Variants in CAP2 observed in about 807,000 individuals in gnomAD.
CAP2 encodes the protein adenylyl cyclase-associated protein 2.
In CAP2, 24 loss-of-function variants were observed where a neutral mutation model predicts 57.7. The ratio of observed to expected loss-of-function variants is 0.42; its 90% confidence interval spans 0.30 to 0.58. The LOEUF is 0.58. CAP2 is among the 20% of genes least tolerant of loss of function. CAP2 has a pLI of 0.22. For missense variants in CAP2, 501 were observed against 590.3 expected, an observed-to-expected ratio of 0.85 and a Z score of 1.57; for synonymous variants, 194 against 207.2, an observed-to-expected ratio of 0.94 and a Z score of 0.55.
At chr6:17,460,254 G>A (rs921133615) in intron 3 of CAP2, among the ~76,000 whole-genome samples, 4 of 150,916 alleles carry the variant, frequency 2.7e-5, no homozygotes, top group Non-Finnish European at 5.9e-5. Context: ...ACAGGGAGAC[G>A]TGCTTCAACC....
chr6:17,413,795 T>G (rs1043716781), intron 1 of CAP2, among the ~76,000 whole-genome samples: 4 of 152,244 alleles, frequency 2.6e-5, no homozygotes, highest in Non-Finnish European at 5.9e-5. Flanking sequence ...GGCTCACGTC[T>G]GTAATCCCAG....
At chr6:17,489,540 G>C (rs1303223218) in intron 4 of CAP2, among the ~76,000 whole-genome samples, 1 of 152,132 alleles carries the variant, frequency 6.6e-6, no homozygotes, top group Non-Finnish European at 1.5e-5. Flanking sequence ...AGTCCCACAT[G>C]GTGCCCCAAA....
At chr6:17,441,664 T>C (rs951114360) in intron 3 of CAP2, among the ~76,000 whole-genome samples, 8 of 146,978 alleles carry the variant, frequency 5.4e-5, no homozygotes, top group Non-Finnish European at 1.2e-4. Context: ...TTCATATTTT[T>C]AGTAGAGACA....
chr6:17,395,739 C>T (rs999658163), intron 1 of CAP2, among the ~76,000 whole-genome samples: 1 of 152,004 alleles, frequency 6.6e-6, no homozygotes, highest in African/African-American at 2.4e-5. Flanking sequence ...TATTATGTAA[C>T]ATTTTATATG....
chr6:17,550,066 G>A (rs12210796), intron 11 of CAP2, among the ~76,000 whole-genome samples: 1,841 of 152,178 alleles, frequency 0.012, 19 homozygotes, highest in Non-Finnish European at 0.019. Flanking sequence ...AGTTTAACTC[G>A]TATAGCAGCT....
At chr6:17,492,586 A>G (rs1438676242) in intron 4 of CAP2, among the ~76,000 whole-genome samples, 4 of 152,154 alleles carry the variant, frequency 2.6e-5, no homozygotes, top group Admixed American at 2.0e-4. Context: ...ATCCCTGTCC[A>G]CTTCCTGATT....
chr6:17,409,474 C>G (rs952908172), intron 1 of CAP2, among the ~76,000 whole-genome samples: 1 of 152,090 alleles, frequency 6.6e-6, no homozygotes, highest in African/African-American at 2.4e-5. Flanking sequence ...TGAGCACTCA[C>G]TGGGTACAGA....
chr6:17,538,702 C>G (rs996691449), intron 7 of CAP2, among the ~76,000 whole-genome samples: 1 of 152,266 alleles, frequency 6.6e-6, no homozygotes, highest in East Asian at 1.9e-4. Flanking sequence ...GACAAGCATC[C>G]CGGTCACATA....
intron 3 of CAP2, among the ~76,000 whole-genome samples, chr6:17,430,136 T>C (rs1011407176): frequency 1.3e-5 from 2 of 152,190 alleles, no homozygotes; most frequent in Non-Finnish European, 2.9e-5. Flanking sequence ...TCTCGATGTG[T>C]TGGCTGCTGG....
At chr6:17,404,764 C>T (rs1275660643) in intron 1 of CAP2, among the ~76,000 whole-genome samples, 2 of 146,180 alleles carry the variant, frequency 1.4e-5, no homozygotes, top group African/African-American at 2.6e-5. Context: ...GTGTGAGACT[C>T]CATCTCAAAA....
intron 1 of CAP2, among the ~76,000 whole-genome samples, chr6:17,420,477 G>A (rs747261961): frequency 2.0e-5 from 3 of 152,190 alleles, no homozygotes; most frequent in Non-Finnish European, 2.9e-5. Context: ...CCTGCTAAAT[G>A]ATGCTCAGAG....
intron 4 of CAP2, among the ~76,000 whole-genome samples, chr6:17,497,741 T>C (rs1488432006): frequency 1.3e-5 from 2 of 152,220 alleles, no homozygotes; most frequent in African/African-American, 4.8e-5. Context: ...GGCTGCACAC[T>C]GATGCATGAA....
chr6:17,493,706 GAGA>G (rs1456898257), intron 4 of CAP2: 1 of 151,280 alleles, frequency 6.6e-6, no homozygotes, highest in Non-Finnish European at 1.5e-5. Context: ...TTGAAAATGT[GAGA>G]AGATGCTCCC....
chr6:17,516,315 T>C (rs2113670166), intron 7 of CAP2, among the ~76,000 whole-genome samples: 1 of 152,316 alleles, frequency 6.6e-6, no homozygotes, highest in Admixed American at 6.5e-5. Context: ...TGGCACAGAG[T>C]AAGTGCTCAG....
chr6:17,512,917 A>G (rs558617076), intron 6 of CAP2, among the ~76,000 whole-genome samples: 13 of 152,322 alleles, frequency 8.5e-5, no homozygotes, highest in Non-Finnish European at 1.6e-4. Context: ...TCATTATTAC[A>G]AGAGCTTTAA....
chr6:17,475,903 G>A (rs1761142126), intron 4 of CAP2, among the ~76,000 whole-genome samples: 1 of 152,212 alleles, frequency 6.6e-6, no homozygotes, highest in Non-Finnish European at 1.5e-5. Flanking sequence ...CTGTGCAGAT[G>A]GAATCTCTAT....
In CAP2 at chr6:17,484,629, G is replaced by A. The variant is rs377504682; in HGVS notation, c.300+21556G>A. Among the ~76,000 whole-genome samples the A allele has an allele frequency of 1.2e-4, 18 of 152,242 alleles. 1 individual carries two copies. Among genetic ancestry groups the A allele is most frequent in the African/African-American group, 1.4e-4 (6 of 41,560 alleles). ...AATCAAATGGAATACATTTGGGGCC[G>A]AGCATGTATGCTATGTCAGTCAAGT... On this transcript the variant is annotated intron_variant, in intron 4 of 12. Transcript: ENST00000229922.
chr6:17,395,761 C>T (rs10080915), intron 1 of CAP2, among the ~76,000 whole-genome samples: 37,469 of 151,828 alleles, frequency 0.25, 4,866 homozygotes, highest in South Asian at 0.35. Context: ...AAAAATAATA[C>T]GCTAAGTCTA....
chr6:17,518,306 T>A (rs1762316254), intron 7 of CAP2, among the ~76,000 whole-genome samples: 1 of 152,218 alleles, frequency 6.6e-6, no homozygotes, highest in South Asian at 2.1e-4. Flanking sequence ...TAAAAACGAC[T>A]TAAAGATTCC....
Sources: gnomAD v4.1 joint callset for allele counts (sites outside exome capture counted in the v4.1 genomes callset) on GRCh38, gnomAD v4.1.1 for gene constraint, MANE v1.5 for transcripts, NCBI Gene and HGNC (gene_info 2026-07-23, HGNC 2026-07-21) for gene names.